TMEM108: variants seen among roughly 807,000 people sequenced by gnomAD.
TMEM108 encodes the protein cancer/testis antigen 124.
In TMEM108, 12 loss-of-function variants were observed where a neutral mutation model predicts 35.1. That is an observed-to-expected ratio of 0.34 (90% CI 0.22 to 0.55). TMEM108 has a LOEUF of 0.55. Among genes scored for constraint, TMEM108 ranks in the 20% least tolerant of loss-of-function variants. TMEM108 has a pLI of 0.89. For synonymous variants in TMEM108, 287 were observed against 308.6 expected (o/e 0.93, Z 0.73); for missense variants, 680 against 753.3 (o/e 0.90, Z 1.14).
At chr3:133,393,448 G>A (rs937292151) in intron 5 of TMEM108, among the ~76,000 whole-genome samples, 5 of 152,190 alleles carry the variant, frequency 3.3e-5, no homozygotes, top group African/African-American at 1.2e-4. Flanking sequence ...AGCAGTGCCT[G>A]GCACATGGTA....
At chr3:133,290,677 G>T (rs1467253884) in intron 3 of TMEM108, among the ~76,000 whole-genome samples, 2 of 151,840 alleles carry the variant, frequency 1.3e-5, no homozygotes, top group African/African-American at 4.8e-5. Flanking sequence ...ACAGAACCCT[G>T]AAGTTAAATT....
At chr3:133,148,350 T>C (rs1944751176) in intron 2 of TMEM108, among the ~76,000 whole-genome samples, 1 of 152,100 alleles carries the variant, frequency 6.6e-6, no homozygotes, top group South Asian at 2.1e-4. Flanking sequence ...GCTAGGCAAA[T>C]ATAATAGCTA....
intron 2 of TMEM108, among the ~76,000 whole-genome samples, chr3:133,145,119 C>A (rs1186373561): frequency 6.6e-6 from 1 of 152,164 alleles, no homozygotes; most frequent in Non-Finnish European, 1.5e-5. Flanking sequence ...AGTCTTTAAT[C>A]AATCTTGAAT....
At chr3:133,126,195 G>A (rs113860126) in intron 2 of TMEM108, among the ~76,000 whole-genome samples, 9,316 of 152,060 alleles carry the variant, frequency 0.061, 961 homozygotes, top group African/African-American at 0.21. Context: ...GACCAGGTGC[G>A]GTGGCTCACG....
At chr3:133,263,240 G>T (rs1004617437) in intron 3 of TMEM108, among the ~76,000 whole-genome samples, 3 of 152,242 alleles carry the variant, frequency 2.0e-5, no homozygotes, top group African/African-American at 4.8e-5. Context: ...GGAGTGGCAA[G>T]TGAGAAATTA....
chr3:133,283,199 G>A (rs148160921), intron 3 of TMEM108, among the ~76,000 whole-genome samples: 16 of 152,244 alleles, frequency 1.1e-4, no homozygotes, highest in African/African-American at 3.6e-4. Flanking sequence ...GGTGGCGGTG[G>A]TTTATATCTA....
At chr3:133,393,075 C>T (rs2073257351) in intron 5 of TMEM108, among the ~76,000 whole-genome samples, 1 of 152,208 alleles carries the variant, frequency 6.6e-6, no homozygotes, top group Non-Finnish European at 1.5e-5. Flanking sequence ...ATTGATCACA[C>T]ACCAGCTTCA....
At chr3:133,148,120 A>G (rs1279043772) in intron 2 of TMEM108, among the ~76,000 whole-genome samples, 3 of 152,340 alleles carry the variant, frequency 2.0e-5, no homozygotes, top group East Asian at 1.9e-4. Context: ...ATGAAGAGCA[A>G]TGAACATTCC....
intron 1 of TMEM108, chr3:133,041,807 A>G (rs1307838234): frequency 1.3e-5 from 2 of 152,234 alleles, no homozygotes; most frequent in Non-Finnish European, 2.9e-5. Context: ...ACACACATGG[A>G]TGGGACTATG....
At chr3:133,382,067 C>G (rs2107845106) in intron 4 of TMEM108, among the ~76,000 whole-genome samples, 1 of 152,302 alleles carries the variant, frequency 6.6e-6, no homozygotes, top group Middle Eastern at 3.4e-3. Context: ...TATGTCTTCC[C>G]TCATGTACTT....
intron 2 of TMEM108, among the ~76,000 whole-genome samples, chr3:133,218,667 C>A (rs1311005742): frequency 6.6e-6 from 1 of 151,422 alleles, no homozygotes; most frequent in African/African-American, 2.4e-5. Flanking sequence ...TATTTTTGTT[C>A]TTCATTCTTT....
Position 133,096,197 on chromosome 3 carries a change from C to T in TMEM108, c.-47+50177C>T, listed in dbSNP as rs541056428. On this transcript the variant is annotated intron_variant, in intron 2 of 5. Coordinates refer to ENST00000321871, the MANE Select transcript of TMEM108 (RefSeq NM_023943.4). The stretch of plus-strand genomic sequence containing the variant: ...TTTTACAGACAGGGTCTCACTCTGT[C>T]ACTCAGGCTGGAGTGCAGTGGCACA... Among the ~76,000 whole-genome samples, 24 of 152,296 alleles carry T rather than the reference C, an allele frequency of 1.6e-4. No individual in the cohort carries two copies. In the South Asian group the frequency reaches 1.7e-3, roughly 11 times the overall value.
intron 2 of TMEM108, among the ~76,000 whole-genome samples, chr3:133,087,205 C>T (rs921883801): frequency 1.3e-4 from 20 of 152,284 alleles, no homozygotes; most frequent in Admixed American, 1.3e-3. Flanking sequence ...GTGTCCTTGA[C>T]CTGCTTCCCA....
chr3:133,387,711 T>G (rs1306253768), intron 4 of TMEM108: 1 of 666,194 alleles, frequency 1.5e-6, no homozygotes, highest in Non-Finnish European at 1.9e-6. Context: ...AGGGACAATT[T>G]GAAGTGCTGG....
chr3:133,344,368 C>G (rs375934062), intron 3 of TMEM108, among the ~76,000 whole-genome samples: 2 of 151,552 alleles, frequency 1.3e-5, no homozygotes, highest in African/African-American at 4.8e-5. Flanking sequence ...CATGTCAAAA[C>G]TTATGGTTGA....
chr3:133,202,828 G>A (rs1224768499), intron 2 of TMEM108, among the ~76,000 whole-genome samples: 1 of 152,166 alleles, frequency 6.6e-6, no homozygotes, highest in Non-Finnish European at 1.5e-5. Context: ...ATTCTGTGAA[G>A]AAAGTCAGTG....
chr3:133,181,915 A>G (rs1945351540), intron 2 of TMEM108, among the ~76,000 whole-genome samples: 1 of 152,200 alleles, frequency 6.6e-6, no homozygotes, highest in African/African-American at 2.4e-5. Context: ...AAATTTGAAG[A>G]TGGTTGACAT....
chr3:133,362,339 CA>C (rs1451511366), intron 3 of TMEM108, among the ~76,000 whole-genome samples: 1 of 152,176 alleles, frequency 6.6e-6, no homozygotes, highest in Non-Finnish European at 1.5e-5. Flanking sequence ...TCTGAACCTG[CA>C]GCCTCCTCCA....
At chr3:133,206,126 G>T (rs1039840307) in intron 2 of TMEM108, among the ~76,000 whole-genome samples, 7 of 152,126 alleles carry the variant, frequency 4.6e-5, no homozygotes, top group Non-Finnish European at 7.3e-5. Context: ...CGAAGTTCTC[G>T]TGCTGTGTTT....
Sources: allele counts gnomAD v4.1 joint callset (sites outside exome capture counted in the v4.1 genomes callset), GRCh38; gene constraint gnomAD v4.1.1; transcripts MANE v1.5; gene names NCBI Gene and HGNC (gene_info 2026-07-23, HGNC 2026-07-21).